The following PSORS1C1 variants were observed in gnomAD, a reference collection of about 807,000 sequenced individuals.
PSORS1C1 encodes the protein psoriasis susceptibility 1 candidate 1.
Under a neutral mutation model 9.4 loss-of-function variants are expected in PSORS1C1, and 7 were observed. The ratio of observed to expected loss-of-function variants is 0.75; its 90% CI spans 0.42 to 1.40. The LOEUF is 1.40. PSORS1C1 is among the 40% of genes most tolerant of loss of function. PSORS1C1 has a pLI of 0.01. For missense variants in PSORS1C1, 146 were observed against 178.1 expected (o/e 0.82, Z 1.02); for synonymous variants, 63 against 69.4 (o/e 0.91, Z 0.46).
chr6:31,137,954 T>C (rs1466865635), intron 3 of PSORS1C1: 1 of 1,471,336 alleles, frequency 6.8e-7, no homozygotes, highest in Non-Finnish European at 9.1e-7. Flanking sequence ...GACTCCATTA[T>C]CTGTACTCTT....
At chr6:31,121,718 T>C (rs1772471972) in intron 1 of PSORS1C1, among the ~76,000 whole-genome samples, 1 of 152,198 alleles carries the variant, frequency 6.6e-6, no homozygotes, top group Non-Finnish European at 1.5e-5. Context: ...GCTCTGTCCC[T>C]GGGCCCCTTG....
intron 3 of PSORS1C1, among the ~76,000 whole-genome samples, chr6:31,135,928 C>T (rs1170516228): frequency 1.3e-5 from 2 of 152,080 alleles, no homozygotes; most frequent in Non-Finnish European, 2.9e-5. Flanking sequence ...GGGTGGTGCA[C>T]CTGTAGTCTC....
chr6:31,128,087 G>A lies in PSORS1C1; in HGVS notation c.-64-1482G>A, dbSNP rs3131005. Among the ~76,000 whole-genome samples, 117,212 of 152,086 alleles carry A rather than the reference G, an allele frequency of 0.77. 45,641 individuals are homozygous for A. The highest frequency in any genetic ancestry group is 0.88 in the East Asian group (4,566 of 5,164). On this transcript the variant is annotated intron_variant, in intron 2 of 5. Transcript: ENST00000259881. This position sits in a 1 kb window ranked among gnomAD's most constrained non-coding sequence, Gnocchi z 4.3. ...GATGATCGTGAGGTCCACTTGGACA[G>A]GCAGCCTGTGCCTGAATTTTCCTGA...
At chr6:31,124,286 T>G (rs1185764347) in intron 1 of PSORS1C1, among the ~76,000 whole-genome samples, 1 of 152,050 alleles carries the variant, frequency 6.6e-6, no homozygotes, top group African/African-American at 2.4e-5. Context: ...AGGGACTCCA[T>G]AAAGAGGAGG....
intron 1 of PSORS1C1, chr6:31,118,224 C>G (rs748581771): frequency 6.6e-6 from 1 of 152,536 alleles, no homozygotes; most frequent in African/African-American, 2.4e-5. Flanking sequence ...AAAGGGCACT[C>G]GAGGACTAAG....
intron 3 of PSORS1C1, 44 bp downstream of exon 3, chr6:31,129,689 G>T: frequency 1.3e-6 from 1 of 779,468 alleles, no homozygotes; most frequent in Non-Finnish European, 2.4e-6. Context: ...TGTGAAATGG[G>T]GCTAATCATT....
At position 31,137,701 on chromosome 6, in the gene PSORS1C1, G is replaced by A. The variant is rs547223623; in HGVS notation, c.14-729G>A. 3 of 386,128 alleles carry A rather than the reference G, an allele frequency of 7.8e-6. No individual in the cohort carries two copies. In the East Asian group the frequency reaches 1.1e-4, roughly 14 times the overall value. 23.9% of individuals were successfully genotyped at this position (386,128 alleles called of 1,614,324 possible). A position where few individuals can be genotyped will look rare whatever the true frequency, so the allele number is the denominator to read the frequency against. On this transcript the variant is annotated intron_variant, in intron 3 of 5. Coordinates refer to ENST00000259881, the MANE Select transcript of PSORS1C1 (RefSeq NM_014068.3). ...TGGGAGGTAGGTGCGGCCGAGGCCT[G>A]GAGGCGAGGTAGGAGAGTAGGCTTA...
intron 3 of PSORS1C1, among the ~76,000 whole-genome samples, chr6:31,130,735 G>T (rs1230352363): frequency 6.6e-6 from 1 of 151,916 alleles, no homozygotes; most frequent in African/African-American, 2.4e-5. Flanking sequence ...TTTTGTAGAG[G>T]TGAGGTCACA....
At chr6:31,129,794 C>G (rs1168964309) in intron 3 of PSORS1C1, 149 bp downstream of exon 3, 1 of 637,514 alleles carries the variant, frequency 1.6e-6, no homozygotes, top group African/African-American at 1.8e-5. Context: ...GAAGCTCATA[C>G]TTTCCAAGGA....
rs187357937 is a variant in PSORS1C1 at position 31,124,825 on chromosome 6, G to A, written c.-228-851G>A. Reference sequence around the variant, plus strand: ...TCTACTAAAAATACAAAAATTAGCCGGGTGCGGGGGCAGGCACCTGTAATC... The same window carrying A: ...TCTACTAAAAATACAAAAATTAGCCAGGTGCGGGGGCAGGCACCTGTAATC... On this transcript the variant is annotated intron_variant, in intron 1 of 5. Transcript: ENST00000259881. 1.1e-4 allele frequency among the ~76,000 whole-genome samples: 17 copies of A among 152,274 alleles called. No homozygotes were observed. In the East Asian group the frequency reaches 2.1e-3, roughly 19 times the overall value.
chr6:31,116,483 G>A (rs1415563407), intron 1 of PSORS1C1: 2 of 1,605,880 alleles, frequency 1.2e-6, no homozygotes, highest in Admixed American at 1.7e-5. Context: ...CCACAGAGCT[G>A]GACCCCACCA....
intron 3 of PSORS1C1, among the ~76,000 whole-genome samples, chr6:31,130,454 C>T (rs185200397): frequency 1.0e-3 from 151 of 151,720 alleles, no homozygotes; most frequent in South Asian, 3.1e-3. Flanking sequence ...CTCTGTCGTC[C>T]AGGCTGGAGT....
chr6:31,116,886 G>T, intron 1 of PSORS1C1: 3 of 1,614,062 alleles, frequency 1.9e-6, no homozygotes, highest in Non-Finnish European at 2.5e-6. Context: ...ACACAGAGTG[G>T]GAGCTGGGGA....
chr6:31,138,201 C>T, intron 3 of PSORS1C1: 1 of 1,574,030 alleles, frequency 6.4e-7, no homozygotes, highest in Non-Finnish European at 8.6e-7. Context: ...TGCCCCTGGC[C>T]AAGGGTCACC....
At chr6:31,120,220 C>A in intron 1 of PSORS1C1, 2 of 810,036 alleles carry the variant, frequency 2.5e-6, no homozygotes, top group Non-Finnish European at 4.2e-6. Flanking sequence ...CAGTGAGGAG[C>A]AACCCCCAGA....
At chr6:31,136,858 A>C (rs1318469382) in intron 3 of PSORS1C1, among the ~76,000 whole-genome samples, 1 of 152,206 alleles carries the variant, frequency 6.6e-6, no homozygotes, top group African/African-American at 2.4e-5. Flanking sequence ...ATAGTCAAAA[A>C]CATAAGTGTT....
At chr6:31,130,512 C>T (rs998732088) in intron 3 of PSORS1C1, among the ~76,000 whole-genome samples, 2 of 151,812 alleles carry the variant, frequency 1.3e-5, no homozygotes, top group African/African-American at 4.8e-5. Flanking sequence ...CCCGGGTTCA[C>T]GCCATTCTCC....
intron 1 of PSORS1C1, chr6:31,117,455 G>T: frequency 6.4e-7 from 1 of 1,555,724 alleles, no homozygotes; most frequent in South Asian, 1.2e-5. Flanking sequence ...GTGAGGCAGG[G>T]GTCGTTAGGG....
At chr6:31,124,743 G>C (rs1772605666) in intron 1 of PSORS1C1, among the ~76,000 whole-genome samples, 1 of 152,216 alleles carries the variant, frequency 6.6e-6, no homozygotes, top group Non-Finnish European at 1.5e-5. Context: ...GCCAAGGCAG[G>C]TGGATCACTT....
Sources: gnomAD v4.1 joint callset for allele counts (sites outside exome capture counted in the v4.1 genomes callset) on GRCh38, gnomAD v4.1.1 for gene constraint, Gnocchi (gnomAD v3.1) non-coding constraint, MANE v1.5 for transcripts, NCBI Gene and HGNC (gene_info 2026-07-23, HGNC 2026-07-21) for gene names.